The following CHRDL1 variants were observed in gnomAD, a reference collection of about 807,000 sequenced individuals.
CHRDL1 encodes chordin like 1, also known as chordin-like protein 1.
In CHRDL1, 19 loss-of-function variants were observed where a neutral mutation model predicts 40.9. That is an observed-to-expected ratio of 0.46 (90% confidence interval 0.32 to 0.68). CHRDL1 has a LOEUF of 0.68. CHRDL1 is among the 30% of genes least tolerant of loss of function. CHRDL1 has a pLI of 0.03. For missense variants in CHRDL1, 329 were observed against 352.1 expected, an observed-to-expected ratio of 0.93 and a Z score of 0.53; for synonymous variants, 136 against 123.4, an observed-to-expected ratio of 1.10 and a Z score of -0.68.
At chrX:110,688,885 C>G in intron 8 of CHRDL1, 82 bp from the exon 9 acceptor site, 1 of 689,790 alleles carries the variant, frequency 1.4e-6, no homozygotes, top group Non-Finnish European at 2.3e-6. Context: ...CCCTGAACTA[C>G]TTAACATATC....
chrX:110,692,072 A>G (rs2148429459), intron 8 of CHRDL1, among the ~76,000 whole-genome samples: 1 of 111,684 alleles, frequency 9.0e-6, no homozygotes, highest in East Asian at 2.8e-4. Context: ...GCTAACAAGG[A>G]GCCAAGTAGA....
chrX:110,731,869 T>C (rs1390149672), intron 4 of CHRDL1, among the ~76,000 whole-genome samples: 2 of 110,783 alleles, frequency 1.8e-5, no homozygotes, highest in African/African-American at 6.6e-5. Context: ...GACGAAAATA[T>C]TCTGGAGTTA....
intron 2 of CHRDL1, among the ~76,000 whole-genome samples, chrX:110,779,895 A>C (rs1217629350): frequency 9.0e-6 from 1 of 111,592 alleles, no homozygotes; most frequent in Non-Finnish European, 1.9e-5. Flanking sequence ...GATACTGTAC[A>C]TATTTTGTTG....
At chrX:110,743,682 T>C (rs933139566) in intron 4 of CHRDL1, among the ~76,000 whole-genome samples, 7 of 111,749 alleles carry the variant, frequency 6.3e-5, no homozygotes, top group Admixed American at 2.8e-4. Flanking sequence ...AATTATCCAA[T>C]GTAATCCCAA....
At position 110,689,508 on chromosome X, in the gene CHRDL1, C is replaced by CTATCTA. The variant is rs2070130921; in HGVS notation, c.779-706_779-705insTAGATA. ...TCTATATCTCTATATATCTATATATCTATATCTCTATATATCTATCTATAT... is the reference window on the plus strand; with the variant it reads ...TCTATATCTCTATATATCTATATATCTATCTATATATCTCTATATATCTATCTATAT... On this transcript the variant is annotated intron_variant, in intron 8 of 11. Transcript: ENST00000372042. Among the ~76,000 whole-genome samples the CTATCTA allele has an allele frequency of 7.2e-5, 3 of 41,833 alleles. No homozygotes were observed. In the African/African-American group the frequency reaches 8.4e-4, roughly 12 times the overall value. The allele number at this position is 41,833 out of a possible 115,157, so 36.3% of individuals were successfully genotyped here.
At chrX:110,744,774 T>C (rs989843253) in intron 4 of CHRDL1, among the ~76,000 whole-genome samples, 3 of 110,863 alleles carry the variant, frequency 2.7e-5, no homozygotes, top group Non-Finnish European at 3.8e-5. Context: ...GTAAGCATGT[T>C]CCCCCTTCTC....
chrX:110,776,086 AAGATATCACT>A (rs1411872533), intron 2 of CHRDL1, among the ~76,000 whole-genome samples: 5 of 112,221 alleles, frequency 4.5e-5, no homozygotes, highest in African/African-American at 1.6e-4. Context: ...ACAGACATGT[AAGATATCACT>A]GCTATTTTTA....
intron 4 of CHRDL1, among the ~76,000 whole-genome samples, chrX:110,754,470 G>A: frequency 8.9e-6 from 1 of 112,157 alleles, no homozygotes; most frequent in South Asian, 3.7e-4. Flanking sequence ...TTGTATTGTG[G>A]CAGAAATGCC....
chrX:110,750,744 C>T (rs1037713992), intron 4 of CHRDL1, among the ~76,000 whole-genome samples: 6 of 111,532 alleles, frequency 5.4e-5, no homozygotes, highest in Non-Finnish European at 1.1e-4. Context: ...GACATGACAG[C>T]CAAGGACTCT....
At chrX:110,706,691 C>T (rs983693191) in intron 6 of CHRDL1, among the ~76,000 whole-genome samples, 1 of 112,006 alleles carries the variant, frequency 8.9e-6, no homozygotes, top group African/African-American at 3.2e-5. Flanking sequence ...AAAACTATGC[C>T]AGCATGTGGC....
chrX:110,761,551 CA>C (rs1416214271), intron 3 of CHRDL1, among the ~76,000 whole-genome samples: 2 of 111,739 alleles, frequency 1.8e-5, no homozygotes, highest in African/African-American at 6.5e-5. Context: ...ACTTCTCTAC[CA>C]GGGGTGATTT....
chrX:110,699,257 G>A (rs2070462662), intron 7 of CHRDL1, among the ~76,000 whole-genome samples: 1 of 111,706 alleles, frequency 9.0e-6, no homozygotes, highest in South Asian at 3.8e-4. Flanking sequence ...GTTGGGTGTT[G>A]GCAAGCTGGG....
intron 4 of CHRDL1, among the ~76,000 whole-genome samples, chrX:110,744,961 TCACACACACACACA>T (rs530325738): frequency 1.2e-5 from 1 of 84,530 alleles, no homozygotes; most frequent in South Asian, 5.0e-4. Flanking sequence ...TCTCTCTCAT[TCACACACACACACA>T]CACACACACA....
intron 4 of CHRDL1, among the ~76,000 whole-genome samples, chrX:110,732,350 T>C (rs2071180881): frequency 9.0e-6 from 1 of 111,436 alleles, no homozygotes; most frequent in Admixed American, 9.5e-5. Context: ...GCCTCCCTAC[T>C]TCTACCCTTG....
chrX:110,760,036 G>A (rs898254757), intron 3 of CHRDL1, among the ~76,000 whole-genome samples: 3 of 111,777 alleles, frequency 2.7e-5, no homozygotes, highest in African/African-American at 9.8e-5. Flanking sequence ...CTGGCTCCAT[G>A]GCATTTCTAC....
chrX:110,728,122 A>G (rs2071090831), intron 4 of CHRDL1, among the ~76,000 whole-genome samples: 1 of 110,195 alleles, frequency 9.1e-6, no homozygotes, highest in African/African-American at 3.3e-5. Flanking sequence ...TTTTTAAAAT[A>G]TATATATATA....
At chrX:110,680,937 T>C (rs886431136) in intron 10 of CHRDL1, among the ~76,000 whole-genome samples, 2 of 112,036 alleles carry the variant, frequency 1.8e-5, no homozygotes, top group African/African-American at 6.5e-5. Context: ...TTTAAATTTG[T>C]TTTACCCCAG....
At chrX:110,725,872 T>TA (rs1280905416) in intron 4 of CHRDL1, among the ~76,000 whole-genome samples, 2 of 111,669 alleles carry the variant, frequency 1.8e-5, no homozygotes, top group East Asian at 2.8e-4. Context: ...ATTCTACTGA[T>TA]AGAGTCCTAG....
intron 2 of CHRDL1, among the ~76,000 whole-genome samples, chrX:110,776,756 A>G (rs1291223087): frequency 9.0e-6 from 1 of 110,792 alleles, no homozygotes; most frequent in African/African-American, 3.3e-5. Flanking sequence ...CCCTGTTACC[A>G]CTGCCACACA....
Sources: gnomAD v4.1 joint callset for allele counts (sites outside exome capture counted in the v4.1 genomes callset) on GRCh38, gnomAD v4.1.1 for gene constraint, MANE v1.5 for transcripts, NCBI Gene and HGNC (gene_info 2026-07-23, HGNC 2026-07-21) for gene names.